Variants in C22orf42 observed in about 807,000 individuals in gnomAD.
C22orf42 encodes uncharacterized protein C22orf42.
Under a neutral mutation model 31.4 loss-of-function variants are expected in C22orf42, and 24 were observed. The ratio of observed to expected loss-of-function variants is 0.77; its 90% CI spans 0.55 to 1.08. The LOEUF (loss-of-function observed/expected upper bound fraction) is 1.08, where lower values mean the gene tolerates loss of function less well. C22orf42 is among the 50% of genes least tolerant of loss of function. The pLI is 0.00. For synonymous variants in C22orf42, 96 were observed against 112.7 expected (o/e 0.85, Z 0.94); for missense variants, 276 against 327.3 (o/e 0.84, Z 1.21).
intron 1 of C22orf42, among the ~76,000 whole-genome samples, chr22:32,155,582 C>T (rs1211164665): frequency 1.3e-5 from 2 of 151,566 alleles, no homozygotes; most frequent in Non-Finnish European, 2.9e-5. Context: ...CAAAGCAATC[C>T]TGTACTTCCC....
At chr22:32,154,740 T>C (rs1379314864) in intron 1 of C22orf42, among the ~76,000 whole-genome samples, 1 of 152,214 alleles carries the variant, frequency 6.6e-6, no homozygotes, top group Non-Finnish European at 1.5e-5. Flanking sequence ...CTAAGATCTA[T>C]AGGGCTAAAA....
In C22orf42 at chr22:32,149,502, G is replaced by T. The variant is rs756045642; in HGVS notation, c.*38C>A. On this transcript the variant is annotated 3_prime_UTR_variant, in exon 9 of 9. Transcript: ENST00000382097. Reference sequence around the variant, plus strand: ...ATTCATAAAATGATTTGAGCTGGGCGTGATGGCAGGCGTCTGTAATCCCAG... The same window carrying T: ...ATTCATAAAATGATTTGAGCTGGGCTTGATGGCAGGCGTCTGTAATCCCAG... 4 of 1,501,858 alleles carry T rather than the reference G, an allele frequency of 2.7e-6. No homozygotes were observed. Among genetic ancestry groups the T allele is most frequent in the Non-Finnish European group, 3.6e-6 (4 of 1,117,828 alleles). The allele number at this position is 1,501,858 out of a possible 1,614,324, so 93.0% of individuals were successfully genotyped here.
chr22:32,150,619 C>G (rs1603176606), intron 6 of C22orf42, 140 bp from the exon 7 acceptor site: 2 of 801,638 alleles, frequency 2.5e-6, no homozygotes, highest in Non-Finnish European at 4.1e-6. Flanking sequence ...GGACCATTCT[C>G]CTTGGTGCTG....
At chr22:32,159,556 T>C, upstream of C22orf42, 9 of 1,032,094 alleles carry the variant, frequency 8.7e-6, no homozygotes, top group Admixed American at 4.6e-5. Context: ...AGGTTGTTAT[T>C]GGAAGTCACC....
rs755543974 is a variant in C22orf42 at position 32,152,662 on chromosome 22, G to A, written c.308-36C>T. The A allele has an allele frequency of 5.0e-6, 8 of 1,600,734 alleles. No individual in the cohort carries two copies. The Admixed American group carries it at 1.2e-4, about 23-fold the overall frequency. On this transcript the variant is annotated intron_variant, in intron 2 of 8. Coordinates refer to ENST00000382097, the MANE Select transcript of C22orf42 (RefSeq NM_001010859.3). ...ACAGAGTGACAGTCAGTGCATTGGT[G>A]CTGCTGAGGAATCCCACAAGGAGCC...
chr22:32,155,194 A>T (rs1921196935), intron 1 of C22orf42, among the ~76,000 whole-genome samples: 1 of 152,142 alleles, frequency 6.6e-6, no homozygotes, highest in Non-Finnish European at 1.5e-5. Flanking sequence ...AGCTCTTCTC[A>T]CAAGCTTTGT....
intron 1 of C22orf42, among the ~76,000 whole-genome samples, chr22:32,158,650 T>C (rs900486127): frequency 2.0e-5 from 3 of 152,212 alleles, no homozygotes; most frequent in Non-Finnish European, 4.4e-5. Context: ...AAAGAAACAA[T>C]TGGGCCCTTA....
rs1296550578 is a variant in C22orf42 at position 32,153,215 on chromosome 22, A to G, written c.308-589T>C. 2.0e-5 allele frequency among the ~76,000 whole-genome samples: 3 copies of G among 152,342 alleles called. No individual in the cohort carries two copies. The East Asian group carries it at 5.8e-4, about 29-fold the overall frequency. On this transcript the variant is annotated intron_variant, in intron 2 of 8. Coordinates refer to ENST00000382097, the MANE Select transcript of C22orf42 (RefSeq NM_001010859.3). ...ACAGCAGTGTAATATAGAACAGAGGAAAAATAAATAATGATTGCAGAATAC... is the reference window on the plus strand; with the variant it reads ...ACAGCAGTGTAATATAGAACAGAGGGAAAATAAATAATGATTGCAGAATAC...
Position 32,159,113 on chromosome 22 carries a change from T to G in C22orf42, c.103A>C (p.Thr35Pro), listed in dbSNP as rs777335751. The part of the protein sequence containing the change: ...GPCHECEIPE[T>P]VAATAPASTT... ...GATGCTGGTGCTGTGGCTGCCACAG[T>G]CTCAGGAATCTCACACTCATGGCAG... Residue 35 changes from threonine to proline, a missense_variant, in exon 1 of 9, where the codon ACT becomes CCT. Physicochemically the swap from Thr to Pro is conservative, Grantham distance 38. Transcript: ENST00000382097. The G allele has an allele frequency of 6.8e-6, 11 of 1,614,100 alleles. 1 individual carries two copies. In the South Asian group the frequency reaches 8.8e-5, roughly 13 times the overall value.
chr22:32,159,031 T>G lies in C22orf42; in HGVS notation c.185A>C (p.Gln62Pro), dbSNP rs753475927. 1 of 1,614,110 alleles carries G rather than the reference T, an allele frequency of 6.2e-7. No individual in the cohort carries two copies. Among genetic ancestry groups the G allele is most frequent in the Non-Finnish European group, 8.5e-7 (1 of 1,180,056 alleles). ...DLKAKKAQLM[Q>P]YLSLPKTPKM... Reference sequence around the variant, plus strand: ...CGGCGTCTTCGGGAGGCTGAGGTACTGCATGAGTTGGGCCTTCTTAGCTTT... The same window carrying G: ...CGGCGTCTTCGGGAGGCTGAGGTACGGCATGAGTTGGGCCTTCTTAGCTTT... Residue 62 changes from glutamine (Q) to proline (P), a missense_variant, in exon 1 of 9, where the codon CAG becomes CCG. Physicochemically the swap from Gln to Pro is moderately conservative, Grantham distance 76. Transcript: ENST00000382097.
rs1179448168 is a variant in C22orf42 at position 32,152,483 on chromosome 22, A to G, written c.372+79T>C. The G allele has an allele frequency of 5.6e-6, 7 of 1,258,880 alleles. No homozygotes were observed. In the East Asian group the frequency reaches 1.6e-4, roughly 29 times the overall value. The allele number at this position is 1,258,880 out of a possible 1,614,324, so 78.0% of individuals were successfully genotyped here. A position where few individuals can be genotyped will look rare whatever the true frequency, so the allele number is the denominator to read the frequency against. On this transcript the variant is annotated intron_variant, in intron 3 of 8. Coordinates refer to ENST00000382097, the MANE Select transcript of C22orf42 (RefSeq NM_001010859.3). ...GGCCTGAATCATGATGGCAGTCAAAAATGATACTCACTTGATATTCTAGAA... is the reference window on the plus strand; with the variant it reads ...GGCCTGAATCATGATGGCAGTCAAAGATGATACTCACTTGATATTCTAGAA...
chr22:32,152,906 C>G (rs907138140), intron 2 of C22orf42, among the ~76,000 whole-genome samples: 1 of 152,164 alleles, frequency 6.6e-6, no homozygotes, highest in Non-Finnish European at 1.5e-5. Flanking sequence ...GCGACAGCAT[C>G]TCATCACACC....
At chr22:32,150,507 A>C (rs1308662660) in intron 6 of C22orf42, 28 bp from the exon 7 acceptor site, 3 of 1,612,850 alleles carry the variant, frequency 1.9e-6, no homozygotes, top group Non-Finnish European at 2.5e-6. Context: ...CAGTCAGTGC[A>C]TTGGTGCTGC....
In C22orf42 at chr22:32,159,170, T is replaced by C. The variant is rs1486226462; in HGVS notation, c.46A>G (p.Asn16Asp). Residue 16 changes from asparagine to aspartate, a missense_variant, in exon 1 of 9, where the codon AAC becomes GAC. By Grantham distance (23) the Asn-to-Asp change is conservative (BLOSUM62 1). Transcript: ENST00000382097. ...TCCLGPSGGL[N>D]CDCCRPDVGP... Reference sequence around the variant, plus strand: ...ACATCTGGCCTGCAGCAGTCACAGTTGAGGCCCCCGCTGGGGCCCAGGCAG... The same window carrying C: ...ACATCTGGCCTGCAGCAGTCACAGTCGAGGCCCCCGCTGGGGCCCAGGCAG... 5.0e-6 allele frequency: 8 copies of C among 1,614,096 alleles called. No individual in the cohort carries two copies. Among genetic ancestry groups the C allele is most frequent in the Non-Finnish European group, 5.9e-6 (7 of 1,180,028 alleles).
At chr22:32,152,713 G>A (rs1002713779) in intron 2 of C22orf42, 87 bp from the exon 3 acceptor site, 7 of 1,303,334 alleles carry the variant, frequency 5.4e-6, no homozygotes, top group Admixed American at 1.7e-5. Context: ...CGGGGCTGGA[G>A]TATGTGGAGG....
intron 2 of C22orf42, among the ~76,000 whole-genome samples, chr22:32,153,885 A>G (rs1039281800): frequency 3.3e-5 from 5 of 151,644 alleles, no homozygotes; most frequent in Admixed American, 3.3e-4. Flanking sequence ...TTAGCTTGGT[A>G]TAGTGGCACG....
At chr22:32,158,459 T>C (rs1431373025) in intron 1 of C22orf42, among the ~76,000 whole-genome samples, 1 of 152,226 alleles carries the variant, frequency 6.6e-6, no homozygotes, top group Non-Finnish European at 1.5e-5. Flanking sequence ...CAATTTTTTT[T>C]CCTTCTTTCT....
intron 6 of C22orf42, 47 bp downstream of exon 6, chr22:32,150,945 G>A: frequency 6.4e-7 from 1 of 1,554,852 alleles, no homozygotes; most frequent in Non-Finnish European, 8.9e-7. Flanking sequence ...TGAATGTTTT[G>A]CATGTCAACT....
upstream of C22orf42, chr22:32,160,435 A>G (rs991271512): frequency 6.6e-6 from 1 of 152,236 alleles, no homozygotes; most frequent in African/African-American, 2.4e-5. Flanking sequence ...CAGATGAGCA[A>G]ACAAAGGCTT....
Sources: allele counts gnomAD v4.1 joint callset (sites outside exome capture counted in the v4.1 genomes callset), GRCh38; gene constraint gnomAD v4.1.1; transcripts MANE v1.5; gene names NCBI Gene and HGNC (gene_info 2026-07-23, HGNC 2026-07-21).